Variants in COX7B2 observed in about 807,000 individuals in gnomAD.
COX7B2 encodes cytochrome c oxidase subunit 7B2, mitochondrial.
For missense variants in COX7B2, 109 were observed against 95.9 expected, an observed-to-expected ratio of 1.14 and a Z score of -0.57; for synonymous variants, 37 against 32.1, an observed-to-expected ratio of 1.15 and a Z score of -0.51.
Position 46,761,399 on chromosome 4 carries a change from T to G in COX7B2, c.-49-26158A>C, listed in dbSNP as rs1396820099. 8.5e-5 allele frequency among the ~76,000 whole-genome samples: 13 copies of G among 152,132 alleles called. No homozygotes were observed. The South Asian group carries it at 1.4e-3, about 17-fold the overall frequency. On this transcript the variant is annotated intron_variant, in intron 2 of 2. Coordinates refer to ENST00000355591, the MANE Select transcript of COX7B2 (RefSeq NM_130902.3). ...TAGAGAGGCACATTACAAATGGCCT[T>G]CACTAAACACACAGTCTCCTTTTCC...
Position 46,740,465 on chromosome 4 carries a change from T to A in COX7B2, c.-49-5224A>T, listed in dbSNP as rs527570529. ...AGTTTCAAGTTTACCCATATGTAAG[T>A]TATTTTGTAATAAAATAATTTAAGA... On this transcript the variant is annotated intron_variant, in intron 2 of 2. Coordinates refer to ENST00000355591, the MANE Select transcript of COX7B2 (RefSeq NM_130902.3). Among the ~76,000 whole-genome samples the A allele has an allele frequency of 2.1e-3, 314 of 152,240 alleles. 1 individual carries two copies. Among genetic ancestry groups the A allele is most frequent in the African/African-American group, 7.1e-3 (296 of 41,572 alleles).
At chr4:46,747,084 T>C (rs1416755791) in intron 2 of COX7B2, among the ~76,000 whole-genome samples, 1 of 152,146 alleles carries the variant, frequency 6.6e-6, no homozygotes, top group East Asian at 1.9e-4. Flanking sequence ...TAAGTTTACC[T>C]ATATAACATT....
At chr4:46,903,654 T>C (rs1348607849) in intron 1 of COX7B2, among the ~76,000 whole-genome samples, 1 of 152,204 alleles carries the variant, frequency 6.6e-6, no homozygotes, top group African/African-American at 2.4e-5. Flanking sequence ...TTTTATCTCA[T>C]ACAGTATTTT....
chr4:46,831,620 C>A (rs1221209235), intron 2 of COX7B2, among the ~76,000 whole-genome samples: 1 of 151,960 alleles, frequency 6.6e-6, no homozygotes, highest in Non-Finnish European at 1.5e-5. Context: ...CAATCAGCAT[C>A]CTGTCTATTT....
intron 2 of COX7B2, among the ~76,000 whole-genome samples, chr4:46,841,692 G>T (rs951094441): frequency 1.3e-5 from 2 of 151,792 alleles, no homozygotes; most frequent in Admixed American, 1.3e-4. Context: ...CAAATCTCAA[G>T]GACCAAGGAA....
chr4:46,784,072 A>G (rs1446807151), intron 2 of COX7B2, among the ~76,000 whole-genome samples: 1 of 152,190 alleles, frequency 6.6e-6, no homozygotes, highest in East Asian at 1.9e-4. Flanking sequence ...CTTCCAAATC[A>G]TAGCCAGACA....
At chr4:46,752,915 G>C (rs1218008354) in intron 2 of COX7B2, among the ~76,000 whole-genome samples, 1 of 152,128 alleles carries the variant, frequency 6.6e-6, no homozygotes, top group African/African-American at 2.4e-5. Flanking sequence ...TTGGTATCAG[G>C]ATGATGCTGC....
At chr4:46,743,118 G>C (rs1714811419) in intron 2 of COX7B2, among the ~76,000 whole-genome samples, 1 of 152,130 alleles carries the variant, frequency 6.6e-6, no homozygotes, top group South Asian at 2.1e-4. Context: ...CTGTGAGTCA[G>C]TGTCCCAACT....
chr4:46,906,973 T>A (rs1045213292), intron 1 of COX7B2, among the ~76,000 whole-genome samples: 1 of 152,240 alleles, frequency 6.6e-6, no homozygotes, highest in Non-Finnish European at 1.5e-5. Flanking sequence ...AACCACCTAA[T>A]GACACTTTGT....
At chr4:46,759,792 T>A (rs1716022820) in intron 2 of COX7B2, among the ~76,000 whole-genome samples, 1 of 134,484 alleles carries the variant, frequency 7.4e-6, no homozygotes, top group Non-Finnish European at 1.6e-5. Flanking sequence ...TTATATAAGT[T>A]ATATAAGTCA....
At chr4:46,806,627 T>C (rs1279330371) in intron 2 of COX7B2, among the ~76,000 whole-genome samples, 1 of 152,084 alleles carries the variant, frequency 6.6e-6, no homozygotes. Flanking sequence ...ACATTAGATA[T>C]CTACTTATTC....
intron 1 of COX7B2, among the ~76,000 whole-genome samples, chr4:46,869,197 A>T (rs1717847071): frequency 6.6e-6 from 1 of 151,598 alleles, no homozygotes; most frequent in Non-Finnish European, 1.5e-5. Context: ...GCAACCCCTG[A>T]TTTTTTCTGT....
chr4:46,890,580 T>C (rs1719369957), intron 1 of COX7B2, among the ~76,000 whole-genome samples: 1 of 152,196 alleles, frequency 6.6e-6, no homozygotes, highest in South Asian at 2.1e-4. Context: ...GAAAGGATGC[T>C]ACTTTCAGCA....
intron 2 of COX7B2, among the ~76,000 whole-genome samples, chr4:46,828,596 G>A (rs1714848358): frequency 6.6e-6 from 1 of 152,072 alleles, no homozygotes; most frequent in African/African-American, 2.4e-5. Context: ...AATAAAATGT[G>A]ATAATATTCA....
intron 1 of COX7B2, among the ~76,000 whole-genome samples, chr4:46,891,247 G>A (rs145413555): frequency 2.5e-3 from 377 of 152,292 alleles, no homozygotes; most frequent in African/African-American, 8.5e-3. Context: ...GTAGACATTT[G>A]AATATGAGTC....
chr4:46,742,087 C>T (rs146009299), intron 2 of COX7B2, among the ~76,000 whole-genome samples: 1 of 152,024 alleles, frequency 6.6e-6, no homozygotes, highest in Non-Finnish European at 1.5e-5. Flanking sequence ...GAAAGCAGTA[C>T]CTGAGTGACC....
In COX7B2 at chr4:46,735,241, G is replaced by A; in HGVS notation, c.-49C>T. Reference sequence around the variant, plus strand: ...TACTGGTCTATTTTGTTGCAAAGAGGCTGGAAAGAGAGAAAAGATATGCAT... The same window carrying A: ...TACTGGTCTATTTTGTTGCAAAGAGACTGGAAAGAGAGAAAAGATATGCAT... On this transcript the variant is annotated splice_region_variant and 5_prime_UTR_variant, in exon 3 of 3. Transcript: ENST00000355591. The A allele has an allele frequency of 3.1e-6, 5 of 1,601,360 alleles. No individual in the cohort carries two copies. Among genetic ancestry groups the A allele is most frequent in the Non-Finnish European group, 3.4e-6 (4 of 1,175,194 alleles).
At chr4:46,789,272 G>C (rs890277312) in intron 2 of COX7B2, among the ~76,000 whole-genome samples, 1 of 152,036 alleles carries the variant, frequency 6.6e-6, no homozygotes, top group Non-Finnish European at 1.5e-5. Flanking sequence ...TATCAGATAA[G>C]ACTCAAGTAT....
intron 2 of COX7B2, among the ~76,000 whole-genome samples, chr4:46,829,746 G>T (rs906609037): frequency 6.6e-6 from 1 of 152,154 alleles, no homozygotes; most frequent in East Asian, 1.9e-4. Context: ...AATGAGCAGG[G>T]TGTAAAAGAT....
Sources: allele counts gnomAD v4.1 joint callset (sites outside exome capture counted in the v4.1 genomes callset), GRCh38; gene constraint gnomAD v4.1.1; transcripts MANE v1.5; gene names NCBI Gene and HGNC (gene_info 2026-07-23, HGNC 2026-07-21).